The following ASTN1 variants were observed in gnomAD, a reference collection of about 807,000 sequenced individuals.
The protein encoded by ASTN1 is astrotactin 1, also known as astrotactin-1.
ASTN1 carries 41 observed loss-of-function variants against 140.7 expected under a neutral mutation model. That is an observed-to-expected ratio of 0.29 (90% CI 0.23 to 0.38). ASTN1 has a LOEUF of 0.38. ASTN1 is among the 10% of genes least tolerant of loss of function. ASTN1 has a pLI of 1.00. For synonymous variants in ASTN1, 640 were observed against 652.2 expected (o/e 0.98, Z 0.29); for missense variants, 1,479 against 1,678.8 (o/e 0.88, Z 2.08).
intron 16 of ASTN1, among the ~76,000 whole-genome samples, chr1:176,909,813 C>T (rs138827019): frequency 5.3e-5 from 8 of 152,250 alleles, no homozygotes; most frequent in African/African-American, 9.6e-5. Flanking sequence ...AGACCCTGGG[C>T]GTATCTTTCC....
chr1:176,994,060 G>A (rs1354243175), intron 8 of ASTN1, among the ~76,000 whole-genome samples: 8 of 145,558 alleles, frequency 5.5e-5, no homozygotes, highest in African/African-American at 1.5e-4. Flanking sequence ...CCTCCGCTTC[G>A]TTCATTCTGA....
chr1:176,934,552 AC>A lies in ASTN1; in HGVS notation c.2483-213del, dbSNP rs1413848235. On this transcript the variant is annotated intron_variant, in intron 15 of 22. Transcript: ENST00000361833. ...TCTTTTAAGCCAGTTGGTTGTATTA[AC>A]TTTGTGCCAAGTTAAGCAAAACATT... Among the ~76,000 whole-genome samples, 5 of 151,956 alleles carry A rather than the reference AC, an allele frequency of 3.3e-5. No individual in the cohort carries two copies. The East Asian group carries it at 7.7e-4, about 24-fold the overall frequency.
intron 1 of ASTN1, among the ~76,000 whole-genome samples, chr1:177,161,638 G>A (rs1647377040): frequency 6.6e-6 from 1 of 152,236 alleles, no homozygotes; most frequent in Non-Finnish European, 1.5e-5. Flanking sequence ...GAGGGATAAA[G>A]GGCTGGAGAA....
chr1:176,874,865 A>T (rs1668497874), intron 21 of ASTN1, among the ~76,000 whole-genome samples: 1 of 152,052 alleles, frequency 6.6e-6, no homozygotes, highest in Admixed American at 6.6e-5. Context: ...AAGATCAAGC[A>T]GTTAGATGGG....
At chr1:176,911,244 A>G (rs931618322) in intron 16 of ASTN1, among the ~76,000 whole-genome samples, 2 of 152,178 alleles carry the variant, frequency 1.3e-5, no homozygotes, top group African/African-American at 4.8e-5. Flanking sequence ...TGGGTGAGTC[A>G]GTGGGTGAGT....
At chr1:176,875,891 A>C (rs1012014727) in intron 21 of ASTN1, among the ~76,000 whole-genome samples, 17 of 152,328 alleles carry the variant, frequency 1.1e-4, no homozygotes, top group African/African-American at 3.4e-4. Flanking sequence ...AAAACCTTAG[A>C]ACAGGGGATG....
At chr1:176,951,242 G>A (rs186945230) in intron 11 of ASTN1, among the ~76,000 whole-genome samples, 8 of 152,340 alleles carry the variant, frequency 5.3e-5, no homozygotes, top group African/African-American at 1.9e-4. Flanking sequence ...TGAGGCAGCT[G>A]AGGATTGCCC....
At chr1:177,146,264 G>A (rs1682716822) in intron 1 of ASTN1, among the ~76,000 whole-genome samples, 1 of 152,144 alleles carries the variant, frequency 6.6e-6, no homozygotes, top group Non-Finnish European at 1.5e-5. Flanking sequence ...TGAAATCGAT[G>A]AAGAAAGTCC....
At chr1:176,878,769 C>G (rs1668669276) in intron 20 of ASTN1, among the ~76,000 whole-genome samples, 2 of 152,146 alleles carry the variant, frequency 1.3e-5, no homozygotes, top group African/African-American at 2.4e-5. Context: ...AGATTTCAGA[C>G]TTGTACCTAG....
intron 1 of ASTN1, among the ~76,000 whole-genome samples, chr1:177,070,253 TTG>T (rs1678571665): frequency 6.6e-6 from 1 of 152,174 alleles, no homozygotes; most frequent in South Asian, 2.1e-4. Context: ...CACAGGGTGA[TTG>T]TAAGAAAACT....
At chr1:177,136,438 C>T (rs1183102053) in intron 1 of ASTN1, among the ~76,000 whole-genome samples, 1 of 151,570 alleles carries the variant, frequency 6.6e-6, no homozygotes, top group Non-Finnish European at 1.5e-5. Context: ...CCGCAACTTC[C>T]ACCTCCCAGG....
chr1:177,161,882 G>T (rs987811458), intron 1 of ASTN1, among the ~76,000 whole-genome samples: 2 of 152,076 alleles, frequency 1.3e-5, no homozygotes, highest in African/African-American at 4.8e-5. Context: ...CCCCTTAACA[G>T]CCATACCACA....
chr1:177,104,972 G>C (rs190461159), intron 1 of ASTN1, among the ~76,000 whole-genome samples: 1 of 152,006 alleles, frequency 6.6e-6, no homozygotes, highest in Admixed American at 6.6e-5. Flanking sequence ...TTTCACAGAC[G>C]GGCATTCCTC....
chr1:177,136,958 C>T (rs1037671907), intron 1 of ASTN1, among the ~76,000 whole-genome samples: 5 of 152,150 alleles, frequency 3.3e-5, no homozygotes, highest in Non-Finnish European at 7.3e-5. Flanking sequence ...GTGTGGGCTG[C>T]CCTACACATT....
In ASTN1 at chr1:176,864,142, A is replaced by C. The variant is rs1668054256; in HGVS notation, c.*142T>G. The C allele has an allele frequency of 6.7e-7, 1 of 1,492,704 alleles. No individual in the cohort carries two copies. The highest frequency in any genetic ancestry group is 1.4e-5 in the South Asian group (1 of 72,988). 92.5% of individuals were successfully genotyped at this position (1,492,704 alleles called of 1,614,324 possible). A position where few individuals can be genotyped will look rare whatever the true frequency, so the allele number is the denominator to read the frequency against. On this transcript the variant is annotated 3_prime_UTR_variant, in exon 23 of 23. Coordinates refer to ENST00000361833, the MANE Select transcript of ASTN1 (RefSeq NM_004319.3). ...TACTGAAGAAGTTCTGCAGGGAGCAAGGATCACTTTCTCCCTGGTTTCGAT... is the reference window on the plus strand; with the variant it reads ...TACTGAAGAAGTTCTGCAGGGAGCACGGATCACTTTCTCCCTGGTTTCGAT...
chr1:177,134,685 G>T (rs1268079763), intron 1 of ASTN1, among the ~76,000 whole-genome samples: 1 of 152,126 alleles, frequency 6.6e-6, no homozygotes, highest in Non-Finnish European at 1.5e-5. Context: ...TTAAAATATC[G>T]ATTTTTCCTC....
chr1:176,917,048 C>T (rs1321600049), intron 16 of ASTN1, among the ~76,000 whole-genome samples: 1 of 152,184 alleles, frequency 6.6e-6, no homozygotes, highest in Non-Finnish European at 1.5e-5. Context: ...GGTTCCCTCA[C>T]CCTCCTTCAT....
chr1:176,994,375 T>A (rs1198158455), intron 8 of ASTN1, among the ~76,000 whole-genome samples: 2 of 152,118 alleles, frequency 1.3e-5, no homozygotes, highest in African/African-American at 2.4e-5. Context: ...TATACTTTTT[T>A]TTTTGAGCTG....
chr1:177,146,482 AC>A (rs1682727915), intron 1 of ASTN1, among the ~76,000 whole-genome samples: 1 of 152,250 alleles, frequency 6.6e-6, no homozygotes, highest in South Asian at 2.1e-4. Flanking sequence ...CTTTTTTTAT[AC>A]ATGCACAGTT....
Sources: gnomAD v4.1 joint callset for allele counts (sites outside exome capture counted in the v4.1 genomes callset) on GRCh38, gnomAD v4.1.1 for gene constraint, MANE v1.5 for transcripts, NCBI Gene and HGNC (gene_info 2026-07-23, HGNC 2026-07-21) for gene names.